Variants in MRPS27 observed in about 807,000 individuals in gnomAD.
MRPS27 encodes small ribosomal subunit protein mS27.
Under a neutral mutation model 48.9 loss-of-function variants are expected in MRPS27, and 43 were observed. The ratio of observed to expected loss-of-function variants is 0.88; its 90% confidence interval spans 0.69 to 1.13. The LOEUF (loss-of-function observed/expected upper bound fraction) is 1.13, where lower values mean the gene tolerates loss of function less well. MRPS27 is among the 50% of genes most tolerant of loss of function. MRPS27 has a pLI of 0.00. For missense variants in MRPS27, 467 were observed against 476.3 expected, an observed-to-expected ratio of 0.98 and a Z score of 0.18; for synonymous variants, 188 against 171.9, an observed-to-expected ratio of 1.09 and a Z score of -0.73.
At chr5:72,296,772 T>C (rs1233475215) in intron 3 of MRPS27, among the ~76,000 whole-genome samples, 1 of 152,228 alleles carries the variant, frequency 6.6e-6, no homozygotes, top group African/African-American at 2.4e-5. Flanking sequence ...CCTCTCTCTC[T>C]TCCATATTTA....
In MRPS27 at chr5:72,223,532, T is replaced by G. The variant is rs1039416209; in HGVS notation, c.1005+151A>C. 5 of 946,502 alleles carry G rather than the reference T, an allele frequency of 5.3e-6. No homozygotes were observed. In the African/African-American group the frequency reaches 8.2e-5, roughly 16 times the overall value. The allele number at this position is 946,502 out of a possible 1,614,324, so 58.6% of individuals were successfully genotyped here. On this transcript the variant is annotated intron_variant, in intron 10 of 10. Coordinates refer to ENST00000261413, the MANE Select transcript of MRPS27 (RefSeq NM_015084.3). ...TCCATTGGTTTCTTTTAAGACCACT[T>G]CCTGTGCAAAGCAATAAAAATGTAA...
intron 4 of MRPS27, among the ~76,000 whole-genome samples, chr5:72,238,974 CT>C (rs143872810): frequency 0.064 from 9,703 of 152,144 alleles, 557 homozygotes; most frequent in African/African-American, 0.15. Context: ...GTGGAAAGGG[CT>C]CTGTAGTCCC....
rs756464752 is a variant in MRPS27, at chr5:72,238,018, T to C, written c.392A>G (p.Asn131Ser). Residue 131 changes from asparagine (N) to serine (S), a missense_variant, in exon 5 of 11, where the codon AAT (asparagine) becomes AGT (serine). Coordinates refer to ENST00000261413, the MANE Select transcript of MRPS27 (RefSeq NM_015084.3). ...CAGATCCACGGAACAACTCACCTTATTTACAAGGGTATATAGGGCTTTGTC... is the reference window on the plus strand; with the variant it reads ...CAGATCCACGGAACAACTCACCTTACTTACAAGGGTATATAGGGCTTTGTC... ...AQDKALYTLVNKVQYGIFPDN... is the reference protein window; with the variant it reads ...AQDKALYTLVSKVQYGIFPDN... 1.2e-6 allele frequency: 2 copies of C among 1,608,624 alleles called. No homozygotes were observed. The highest frequency in any genetic ancestry group is 1.7e-6 in the Non-Finnish European group (2 of 1,175,422).
intron 5 of MRPS27, among the ~76,000 whole-genome samples, chr5:72,235,793 C>G (rs1017837535): frequency 2.0e-5 from 3 of 152,160 alleles, no homozygotes; most frequent in Non-Finnish European, 2.9e-5. Context: ...GCACTTGCTT[C>G]TGAGCCCAGA....
intron 2 of MRPS27, among the ~76,000 whole-genome samples, chr5:72,303,569 G>A (rs536532431): frequency 2.0e-5 from 3 of 152,046 alleles, no homozygotes; most frequent in African/African-American, 2.4e-5. Flanking sequence ...TTTCAAAAAC[G>A]ATGAATGAGA....
intron 4 of MRPS27, among the ~76,000 whole-genome samples, chr5:72,273,859 T>C (rs1465010249): frequency 6.6e-6 from 1 of 152,170 alleles, no homozygotes; most frequent in African/African-American, 2.4e-5. Flanking sequence ...CGCTAATAAA[T>C]TAACCTTAGC....
intron 4 of MRPS27, among the ~76,000 whole-genome samples, chr5:72,259,074 CAAGATCACTT>C (rs759714840): frequency 6.6e-6 from 1 of 152,090 alleles, no homozygotes; most frequent in Non-Finnish European, 1.5e-5. Context: ...TCCATTGATT[CAAGATCACTT>C]AAGATCACCC....
intron 9 of MRPS27, among the ~76,000 whole-genome samples, chr5:72,225,009 T>G (rs1747853508): frequency 6.6e-6 from 1 of 152,240 alleles, no homozygotes; most frequent in South Asian, 2.1e-4. Flanking sequence ...AGCACATTCT[T>G]GCTGACATGT....
rs114237172 is a variant in MRPS27 at position 72,250,562 on chromosome 5, C to T, written c.282-12434G>A. 3.7e-3 allele frequency among the ~76,000 whole-genome samples: 568 copies of T among 152,316 alleles called. 1 individual carries two copies. The highest frequency in any genetic ancestry group is 0.013 in the African/African-American group (552 of 41,560). ...GGTAAATCTCTGACAAAGTGCTGCT[C>T]TGTGTTTGATTAGAACCCAGCCCCG... On this transcript the variant is annotated intron_variant, in intron 4 of 10. Transcript: ENST00000261413.
chr5:72,245,019 T>A (rs1748473998), intron 4 of MRPS27, among the ~76,000 whole-genome samples: 1 of 152,080 alleles, frequency 6.6e-6, no homozygotes, highest in Admixed American at 6.5e-5. Context: ...GGATTACTTG[T>A]GGGGAGAATG....
chr5:72,238,149 A>T lies in MRPS27; in HGVS notation c.282-21T>A, dbSNP rs191187480. The T allele has an allele frequency of 1.0e-2, 15,334 of 1,538,682 alleles. 84 individuals are homozygous for T. The highest frequency in any genetic ancestry group is 0.012 in the Non-Finnish European group (13,273 of 1,111,840). The stretch of plus-strand genomic sequence containing the variant: ...GAAACCTAAATAAGCACAAGAAGAG[A>T]GAAAACTGGTGTTAACTCTTATATG... On this transcript the variant is annotated intron_variant, in intron 4 of 10. Transcript: ENST00000261413.
chr5:72,272,054 G>A (rs772965251), intron 4 of MRPS27, among the ~76,000 whole-genome samples: 27 of 151,728 alleles, frequency 1.8e-4, no homozygotes, highest in Admixed American at 1.6e-3. Flanking sequence ...ACAAAGTAAG[G>A]ATGGTTGCAA....
At chr5:72,287,343 T>C (rs991124302) in intron 4 of MRPS27, among the ~76,000 whole-genome samples, 4 of 151,518 alleles carry the variant, frequency 2.6e-5, no homozygotes, top group Non-Finnish European at 5.9e-5. Flanking sequence ...TGGACTTACA[T>C]AAAAAATAAA....
chr5:72,244,893 T>C (rs1748469800), intron 4 of MRPS27, among the ~76,000 whole-genome samples: 1 of 150,954 alleles, frequency 6.6e-6, no homozygotes, highest in African/African-American at 2.4e-5. Context: ...CTCTCTCTCT[T>C]ACTTTCATGG....
intron 4 of MRPS27, among the ~76,000 whole-genome samples, chr5:72,265,296 A>G (rs895760421): frequency 3.9e-5 from 6 of 152,212 alleles, no homozygotes. Context: ...GATACAAACT[A>G]AGGCTGTTTG....
chr5:72,234,793 T>C (rs1357564384), intron 5 of MRPS27, among the ~76,000 whole-genome samples: 1 of 152,136 alleles, frequency 6.6e-6, no homozygotes, highest in African/African-American at 2.4e-5. Flanking sequence ...GATTCCTACG[T>C]CTCAGACCTA....
Position 72,297,802 on chromosome 5 carries a change from C to A in MRPS27, c.152-100G>T, listed in dbSNP as rs899232130. 3.9e-5 allele frequency: 20 copies of A among 515,962 alleles called. No homozygotes were observed. In the South Asian group the frequency reaches 5.9e-4, roughly 15 times the overall value. The allele number at this position is 515,962 out of a possible 1,614,324, so 32.0% of individuals were successfully genotyped here. On this transcript the variant is annotated intron_variant, in intron 2 of 10. Transcript: ENST00000261413. ...AACATGAAGTATTAAAAGAAACGTT[C>A]TTTCTTGCTTTTTAGAAATTATTTT...
intron 4 of MRPS27, among the ~76,000 whole-genome samples, chr5:72,276,814 G>A (rs1056317981): frequency 2.0e-4 from 31 of 151,878 alleles, no homozygotes; most frequent in African/African-American, 6.8e-4. Context: ...GGTGGATCAC[G>A]AGGTCAGGAG....
chr5:72,238,759 C>T (rs1317038707), intron 4 of MRPS27, among the ~76,000 whole-genome samples: 1 of 152,184 alleles, frequency 6.6e-6, no homozygotes, highest in Admixed American at 6.5e-5. Flanking sequence ...TAGCTCCCCA[C>T]AGGGTCTTAA....
Sources: gnomAD v4.1 joint callset for allele counts (sites outside exome capture counted in the v4.1 genomes callset) on GRCh38, gnomAD v4.1.1 for gene constraint, MANE v1.5 for transcripts, NCBI Gene and HGNC (gene_info 2026-07-23, HGNC 2026-07-21) for gene names.